SEMA3E: variants seen among roughly 807,000 people sequenced by gnomAD.
SEMA3E encodes semaphorin 3E.
Under a neutral mutation model 93.6 loss-of-function variants are expected in SEMA3E, and 49 were observed. That is an observed-to-expected ratio of 0.52 (90% CI 0.42 to 0.66). SEMA3E has a LOEUF of 0.66. Ranked by LOEUF, SEMA3E falls within the 30% of genes least tolerant of loss-of-function variation. The pLI, the probability that SEMA3E is intolerant of heterozygous loss-of-function variation, is 0.00. For synonymous variants in SEMA3E, 363 were observed against 330.7 expected (o/e 1.10, Z -1.06); for missense variants, 906 against 964.8 (o/e 0.94, Z 0.81).
chr7:83,410,521 T>C (rs762813823), intron 5 of SEMA3E, among the ~76,000 whole-genome samples: 37 of 152,080 alleles, frequency 2.4e-4, no homozygotes, highest in Non-Finnish European at 4.6e-4. Flanking sequence ...TATTTGATAA[T>C]AGAAAGGGAA....
At chr7:83,562,911 T>A (rs1183455918) in intron 1 of SEMA3E, among the ~76,000 whole-genome samples, 1 of 152,200 alleles carries the variant, frequency 6.6e-6, no homozygotes, top group Non-Finnish European at 1.5e-5. Context: ...AGGGAAGTCA[T>A]CTGAAACAGA....
At chr7:83,555,859 A>C (rs117408569) in intron 1 of SEMA3E, among the ~76,000 whole-genome samples, 18 of 152,222 alleles carry the variant, frequency 1.2e-4, no homozygotes, top group Middle Eastern at 3.4e-3. Flanking sequence ...ATGGACATTT[A>C]AGAACTAAGA....
chr7:83,494,301 G>T (rs907381708), intron 1 of SEMA3E, among the ~76,000 whole-genome samples: 2 of 151,470 alleles, frequency 1.3e-5, no homozygotes, highest in Non-Finnish European at 3.0e-5. Flanking sequence ...AAAAAAAACT[G>T]TATCAATTGC....
chr7:83,502,230 C>T (rs917571205), intron 1 of SEMA3E, among the ~76,000 whole-genome samples: 2 of 152,146 alleles, frequency 1.3e-5, no homozygotes, highest in Non-Finnish European at 2.9e-5. Context: ...ATTCTGTCTT[C>T]TATGCTCCGT....
intron 1 of SEMA3E, among the ~76,000 whole-genome samples, chr7:83,559,507 T>A (rs1791984105): frequency 6.6e-6 from 1 of 151,914 alleles, no homozygotes; most frequent in Admixed American, 6.6e-5. Context: ...AAATGCAAAC[T>A]GAAGCAATAG....
intron 9 of SEMA3E, among the ~76,000 whole-genome samples, chr7:83,404,620 C>A (rs1788292799): frequency 6.6e-6 from 1 of 151,738 alleles, no homozygotes; most frequent in South Asian, 2.1e-4. Context: ...ATATTTTATC[C>A]ATTTTTACAG....
intron 4 of SEMA3E, among the ~76,000 whole-genome samples, chr7:83,441,624 A>C (rs117032239): frequency 0.017 from 2,659 of 152,292 alleles, 46 homozygotes; most frequent in Non-Finnish European, 0.028. Flanking sequence ...ACATTAATTT[A>C]ATCATCACAG....
chr7:83,608,134 A>G (rs1012288785), intron 1 of SEMA3E, among the ~76,000 whole-genome samples: 1 of 151,872 alleles, frequency 6.6e-6, no homozygotes, highest in South Asian at 2.1e-4. Context: ...AAGTACTTGA[A>G]CCCAGGAGGC....
At chr7:83,565,642 C>G (rs1792131788) in intron 1 of SEMA3E, among the ~76,000 whole-genome samples, 1 of 152,162 alleles carries the variant, frequency 6.6e-6, no homozygotes, top group Non-Finnish European at 1.5e-5. Flanking sequence ...GTATTCAGAA[C>G]ATATATTTAA....
chr7:83,439,119 A>C (rs1014287413), intron 4 of SEMA3E, among the ~76,000 whole-genome samples: 9 of 152,178 alleles, frequency 5.9e-5, no homozygotes, highest in African/African-American at 2.2e-4. Context: ...TAGGCTTTGG[A>C]ATAATTCTTC....
At chr7:83,548,562 G>A (rs1562828255) in intron 1 of SEMA3E, among the ~76,000 whole-genome samples, 2 of 151,962 alleles carry the variant, frequency 1.3e-5, no homozygotes, top group Admixed American at 6.6e-5. Context: ...TTTATATCTA[G>A]AAAGAGTATT....
intron 2 of SEMA3E, 105 bp downstream of exon 2, chr7:83,490,009 T>C: frequency 9.8e-7 from 1 of 1,023,142 alleles, no homozygotes; most frequent in South Asian, 1.4e-5. Context: ...AAGTAATCAC[T>C]CAAAATTTTA....
intron 1 of SEMA3E, among the ~76,000 whole-genome samples, chr7:83,545,245 T>C (rs1437773976): frequency 6.6e-6 from 1 of 152,040 alleles, no homozygotes; most frequent in African/African-American, 2.4e-5. Flanking sequence ...TCTAGAACTA[T>C]GTTCATTTGC....
At chr7:83,552,997 T>C (rs1242701629) in intron 1 of SEMA3E, among the ~76,000 whole-genome samples, 2 of 152,122 alleles carry the variant, frequency 1.3e-5, no homozygotes, top group Non-Finnish European at 2.9e-5. Context: ...TTATTAGTAG[T>C]TCTGCTTTTT....
At chr7:83,579,085 T>A (rs1328992195) in intron 1 of SEMA3E, among the ~76,000 whole-genome samples, 1 of 152,154 alleles carries the variant, frequency 6.6e-6, no homozygotes, top group Non-Finnish European at 1.5e-5. Flanking sequence ...GAACATGTTA[T>A]CCTATTATAA....
chr7:83,611,947 A>G (rs781000722), intron 1 of SEMA3E, among the ~76,000 whole-genome samples: 31 of 151,952 alleles, frequency 2.0e-4, no homozygotes, highest in Non-Finnish European at 2.8e-4. Context: ...CAGCTCCCCA[A>G]TTGCCTTGCT....
intron 10 of SEMA3E, 33 bp downstream of exon 10, chr7:83,402,599 A>T: frequency 6.3e-7 from 1 of 1,588,798 alleles, no homozygotes. Flanking sequence ...TATACTTAAA[A>T]ATAAGAATTA....
At chr7:83,395,504 C>T (rs990913256) in intron 12 of SEMA3E, among the ~76,000 whole-genome samples, 4 of 152,152 alleles carry the variant, frequency 2.6e-5, no homozygotes, top group African/African-American at 9.7e-5. Flanking sequence ...AACTCATGGG[C>T]ACATGCATGC....
At chr7:83,513,104 T>C (rs1308209572) in intron 1 of SEMA3E, among the ~76,000 whole-genome samples, 1 of 152,218 alleles carries the variant, frequency 6.6e-6, no homozygotes, top group Non-Finnish European at 1.5e-5. Flanking sequence ...CATTCATATT[T>C]GGTTGTTCCA....
Sources: allele counts gnomAD v4.1 joint callset (sites outside exome capture counted in the v4.1 genomes callset), GRCh38; gene constraint gnomAD v4.1.1; transcripts MANE v1.5; gene names NCBI Gene and HGNC (gene_info 2026-07-23, HGNC 2026-07-21).